ANO4: variants seen among roughly 807,000 people sequenced by gnomAD.
ANO4 encodes anoctamin 4, also known as anoctamin-4.
ANO4 carries 69 observed loss-of-function variants against 141.9 expected under a neutral mutation model. The ratio of observed to expected loss-of-function variants is 0.49; its 90% CI spans 0.40 to 0.59. The LOEUF is 0.59. ANO4 is among the 20% of genes least tolerant of loss of function. ANO4 has a pLI of 0.00. For synonymous variants in ANO4, 350 were observed against 394.3 expected (o/e 0.89, Z 1.33); for missense variants, 894 against 1,162.2 (o/e 0.77, Z 3.36).
intron 17 of ANO4, among the ~76,000 whole-genome samples, chr12:101,093,632 C>CACACACAA (rs1349061751): frequency 6.6e-6 from 1 of 152,114 alleles, no homozygotes; most frequent in Non-Finnish European, 1.5e-5. Flanking sequence ...TACACACACG[C>CACACACAA]ACACACAAAC....
chr12:100,806,913 G>T (rs952294455), intron 1 of ANO4, among the ~76,000 whole-genome samples: 1 of 151,750 alleles, frequency 6.6e-6, no homozygotes, highest in Non-Finnish European at 1.5e-5. Context: ...TGCTTATTTT[G>T]TTATTTGTCT....
At chr12:100,969,913 T>C (rs567225650) in intron 5 of ANO4, among the ~76,000 whole-genome samples, 4 of 152,316 alleles carry the variant, frequency 2.6e-5, no homozygotes, top group Non-Finnish European at 5.9e-5. Flanking sequence ...CTACAACTGA[T>C]CCCTCCTTGT....
chr12:101,058,776 G>T (rs2048230803), intron 14 of ANO4, among the ~76,000 whole-genome samples: 1 of 152,172 alleles, frequency 6.6e-6, no homozygotes, highest in African/African-American at 2.4e-5. Flanking sequence ...AGACGATGGG[G>T]TTTTATAAAT....
At chr12:101,119,932 T>C (rs921391083) in intron 25 of ANO4, among the ~76,000 whole-genome samples, 1 of 152,104 alleles carries the variant, frequency 6.6e-6, no homozygotes, top group South Asian at 2.1e-4. Context: ...GACTCAAAAG[T>C]GATAGCTGGA....
At chr12:100,867,437 C>T (rs1234416105) in intron 1 of ANO4, among the ~76,000 whole-genome samples, 1 of 152,082 alleles carries the variant, frequency 6.6e-6, no homozygotes, top group East Asian at 1.9e-4. Context: ...AAACTGATGC[C>T]CCAGCTCAAA....
At chr12:100,765,787 A>G (rs1037836274) in intron 3 of ANO4, among the ~76,000 whole-genome samples, 11 of 151,554 alleles carry the variant, frequency 7.3e-5, no homozygotes, top group Non-Finnish European at 1.3e-4. Flanking sequence ...TATGGGGTAC[A>G]ATGTGATGTT....
intron 3 of ANO4, among the ~76,000 whole-genome samples, chr12:100,757,347 G>A (rs899502092): frequency 6.6e-5 from 10 of 152,060 alleles, no homozygotes; most frequent in African/African-American, 2.4e-4. Flanking sequence ...TCTCTAAAGC[G>A]CAAATCTGGT....
intron 3 of ANO4, among the ~76,000 whole-genome samples, chr12:100,924,297 G>T (rs562981084): frequency 1.3e-5 from 2 of 152,032 alleles, no homozygotes; most frequent in South Asian, 4.2e-4. Context: ...TCATTATACC[G>T]TCCTCTTGAC....
chr12:101,104,665 AT>A (rs1566255034), intron 22 of ANO4, among the ~76,000 whole-genome samples: 16 of 60,646 alleles, frequency 2.6e-4, no homozygotes, highest in Admixed American at 1.0e-3. Flanking sequence ...ATATATATAT[AT>A]ATATAAATAA....
chr12:100,949,369 G>A (rs1361166761), intron 5 of ANO4, among the ~76,000 whole-genome samples: 3 of 152,142 alleles, frequency 2.0e-5, no homozygotes, highest in African/African-American at 7.2e-5. Flanking sequence ...TGTTCATTTG[G>A]TTCTACCATT....
chr12:100,991,623 T>G (rs796264076), intron 8 of ANO4, among the ~76,000 whole-genome samples: 15 of 151,788 alleles, frequency 9.9e-5, no homozygotes, highest in African/African-American at 3.6e-4. Context: ...CCACCCCCAA[T>G]TCTGGTTGAG....
chr12:100,899,676 A>G (rs1395656384), intron 1 of ANO4, among the ~76,000 whole-genome samples: 1 of 152,226 alleles, frequency 6.6e-6, no homozygotes, highest in Non-Finnish European at 1.5e-5. Flanking sequence ...GGGAAAATTT[A>G]AGGTGACCCT....
At position 101,120,589 on chromosome 12, in the gene ANO4, C is replaced by T. The variant is rs377515922; in HGVS notation, c.2640C>T (p.Val880=). The change falls in exon 26 of 28, where the codon GTC becomes GTT. Residue 880 remains valine, a synonymous_variant. Transcript: ENST00000392977. ...PYGYTLQFWH[V]LAARLAFIIV... ...GCTACACACTGCAGTTTTGGCATGTCCTAGCTGCTCGATTAGCTTTTATCA... is the reference window on the plus strand; with the variant it reads ...GCTACACACTGCAGTTTTGGCATGTTCTAGCTGCTCGATTAGCTTTTATCA... 2 of 1,614,028 alleles carry T rather than the reference C, an allele frequency of 1.2e-6. No homozygotes were observed. The highest frequency in any genetic ancestry group is 8.5e-7 in the Non-Finnish European group (1 of 1,179,974).
chr12:101,108,822 T>C (rs1225234103), intron 22 of ANO4, among the ~76,000 whole-genome samples: 1 of 152,164 alleles, frequency 6.6e-6, no homozygotes, highest in Admixed American at 6.5e-5. Context: ...AAGAGTAGTT[T>C]CTATACCTTA....
intron 14 of ANO4, among the ~76,000 whole-genome samples, chr12:101,075,411 G>A (rs2048981219): frequency 6.6e-6 from 1 of 151,480 alleles, no homozygotes; most frequent in Non-Finnish European, 1.5e-5. Context: ...CATTAGCAAT[G>A]TAAAATGATA....
At chr12:101,078,016 C>G (rs890101128) in intron 14 of ANO4, among the ~76,000 whole-genome samples, 1 of 152,132 alleles carries the variant, frequency 6.6e-6, no homozygotes, top group Non-Finnish European at 1.5e-5. Flanking sequence ...GAACTCTTAT[C>G]TATCACTCTA....
At chr12:101,079,079 T>C in intron 14 of ANO4, 114 bp from the exon 15 acceptor site, 1 of 874,762 alleles carries the variant, frequency 1.1e-6, no homozygotes, top group Non-Finnish European at 1.9e-6. Flanking sequence ...TATTCGATGA[T>C]GCTTACACTA....
At chr12:101,005,686 G>A (rs936284316) in intron 8 of ANO4, among the ~76,000 whole-genome samples, 1 of 152,118 alleles carries the variant, frequency 6.6e-6, no homozygotes, top group African/African-American at 2.4e-5. Flanking sequence ...GTATATGTTC[G>A]ATAAAGGTAT....
intron 1 of ANO4, among the ~76,000 whole-genome samples, chr12:100,890,601 C>T (rs1374264026): frequency 6.6e-6 from 1 of 152,128 alleles, no homozygotes; most frequent in East Asian, 1.9e-4. Context: ...TCTTATGTTA[C>T]CAGCAGTGAA....
Sources: gnomAD v4.1 joint callset for allele counts (sites outside exome capture counted in the v4.1 genomes callset) on GRCh38, gnomAD v4.1.1 for gene constraint, MANE v1.5 for transcripts, NCBI Gene and HGNC (gene_info 2026-07-23, HGNC 2026-07-21) for gene names.